TMTC2: variants seen among roughly 807,000 people sequenced by gnomAD.
TMTC2 encodes protein O-mannosyl-transferase TMTC2.
A neutral mutation model predicts 82.4 loss-of-function variants in TMTC2; 43 were observed. That is an observed-to-expected ratio of 0.52 (90% CI 0.41 to 0.67). The LOEUF (loss-of-function observed/expected upper bound fraction) is 0.67, where lower values mean the gene tolerates loss of function less well. TMTC2 is among the 30% of genes least tolerant of loss of function. The pLI, the probability that TMTC2 is intolerant of heterozygous loss-of-function variation, is 0.00. For missense variants in TMTC2, 919 were observed against 1,012.4 expected (o/e 0.91, Z 1.25); for synonymous variants, 408 against 381.9 (o/e 1.07, Z -0.80).
At chr12:82,968,509 C>A (rs1878317975) in intron 7 of TMTC2, among the ~76,000 whole-genome samples, 1 of 151,992 alleles carries the variant, frequency 6.6e-6, no homozygotes, top group South Asian at 2.1e-4. Flanking sequence ...TTATTTTATT[C>A]TTAATTCTAG....
At chr12:82,955,836 A>G (rs961733902) in intron 4 of TMTC2, among the ~76,000 whole-genome samples, 2 of 152,172 alleles carry the variant, frequency 1.3e-5, no homozygotes, top group Non-Finnish European at 1.5e-5. Context: ...GAAGTAAAAT[A>G]TTATTTTAAA....
At position 82,820,063 on chromosome 12, in the gene TMTC2, C is replaced by G. The variant is rs183554849; in HGVS notation, c.84-36947C>G. Among the ~76,000 whole-genome samples, 162 of 152,178 alleles carry G rather than the reference C, an allele frequency of 1.1e-3. 1 individual carries two copies. Among genetic ancestry groups the G allele is most frequent in the Admixed American group, 8.5e-3 (130 of 15,280 alleles). On this transcript the variant is annotated intron_variant, in intron 1 of 11. Coordinates refer to ENST00000321196, the MANE Select transcript of TMTC2 (RefSeq NM_152588.3). ...TCCCAAAGCTGAAGAACTTGGAGTC[C>G]GATGTTCTACGGCAGGAAGCATCCA... is the stretch of plus-strand genomic sequence containing the variant.
At chr12:82,859,886 C>A (rs1871448526) in intron 2 of TMTC2, among the ~76,000 whole-genome samples, 1 of 152,202 alleles carries the variant, frequency 6.6e-6, no homozygotes, top group Admixed American at 6.5e-5. Flanking sequence ...ATTTGCTATT[C>A]TATCGTAGCT....
At chr12:82,778,565 A>C (rs1325479049) in intron 1 of TMTC2, among the ~76,000 whole-genome samples, 1 of 151,586 alleles carries the variant, frequency 6.6e-6, no homozygotes, top group Non-Finnish European at 1.5e-5. Flanking sequence ...AATGCAAAAA[A>C]TCGGCCGGGC....
intron 4 of TMTC2, among the ~76,000 whole-genome samples, chr12:82,933,851 T>C (rs1171772720): frequency 6.6e-6 from 1 of 152,014 alleles, no homozygotes; most frequent in Non-Finnish European, 1.5e-5. Flanking sequence ...ATAGTATGAG[T>C]GATGTAGATT....
intron 10 of TMTC2, among the ~76,000 whole-genome samples, chr12:83,058,195 C>G (rs1882613094): frequency 6.6e-6 from 1 of 151,676 alleles, no homozygotes; most frequent in Non-Finnish European, 1.5e-5. Flanking sequence ...GTCCCATGTA[C>G]AAAAATGGAA....
intron 7 of TMTC2, among the ~76,000 whole-genome samples, chr12:82,977,092 C>T (rs948193497): frequency 3.3e-5 from 5 of 151,772 alleles, no homozygotes; most frequent in Admixed American, 2.0e-4. Flanking sequence ...AGCTAGGTTC[C>T]GTAAGTACAT....
At chr12:83,099,062 T>C in intron 11 of TMTC2, among the ~76,000 whole-genome samples, 1 of 152,222 alleles carries the variant, frequency 6.6e-6, no homozygotes, top group East Asian at 1.9e-4. Context: ...TCCATTTCTA[T>C]TGCTGGGAAA....
chr12:82,880,882 A>T (rs900080026), intron 2 of TMTC2, among the ~76,000 whole-genome samples: 1 of 152,176 alleles, frequency 6.6e-6, no homozygotes, highest in Non-Finnish European at 1.5e-5. Flanking sequence ...AGTTTATTTA[A>T]TTTTAAATAA....
At chr12:82,909,907 C>G (rs1484364772) in intron 3 of TMTC2, among the ~76,000 whole-genome samples, 1 of 152,092 alleles carries the variant, frequency 6.6e-6, no homozygotes, top group Admixed American at 6.6e-5. Flanking sequence ...ATATTTAATT[C>G]TCTTTCAGCA....
At chr12:82,948,374 A>AGC (rs778722670) in intron 4 of TMTC2, among the ~76,000 whole-genome samples, 409 of 32,834 alleles carry the variant, frequency 0.012, 1 homozygote, top group Admixed American at 0.022. Context: ...TAATTTAAAC[A>AGC]AAAAAAAAAA....
chr12:82,842,722 C>A (rs1377829883), intron 1 of TMTC2, among the ~76,000 whole-genome samples: 1 of 152,178 alleles, frequency 6.6e-6, no homozygotes, highest in Non-Finnish European at 1.5e-5. Flanking sequence ...GGTTTGGTTT[C>A]TCCTGTGGCC....
chr12:83,063,562 G>C (rs1371194887), intron 11 of TMTC2, among the ~76,000 whole-genome samples: 1 of 151,834 alleles, frequency 6.6e-6, no homozygotes, highest in Non-Finnish European at 1.5e-5. Flanking sequence ...CTGTGGAAGG[G>C]CTGAGAAGTT....
At position 83,134,820 on chromosome 12, in the gene TMTC2, C is replaced by T. The variant is rs887921830; in HGVS notation, c.*2431C>T. ...TTTGTAGAAATAATTGTTTTATGTG[C>T]CAGAGAATTTCAATTTTGTTTTCAA... On this transcript the variant is annotated 3_prime_UTR_variant, in exon 12 of 12. Transcript: ENST00000321196. The T allele has an allele frequency of 1.3e-5, 2 of 151,898 alleles. No homozygotes were observed. The highest frequency in any genetic ancestry group is 2.4e-5 in the African/African-American group (1 of 41,318). The allele number at this position is 151,898 out of a possible 1,614,324, so 9.4% of individuals were successfully genotyped here.
chr12:83,030,709 G>T, intron 8 of TMTC2, 89 bp from the exon 9 acceptor site: 1 of 998,224 alleles, frequency 1.0e-6, no homozygotes, highest in Non-Finnish European at 1.5e-6. Context: ...TGATTACCAA[G>T]TAGACATTTG....
chr12:82,831,416 G>A (rs965269500), intron 1 of TMTC2, among the ~76,000 whole-genome samples: 1 of 152,166 alleles, frequency 6.6e-6, no homozygotes, highest in Admixed American at 6.5e-5. Flanking sequence ...TTGCAAAAGA[G>A]TACATTATGT....
chr12:82,767,882 C>T (rs1877063259), intron 1 of TMTC2, among the ~76,000 whole-genome samples: 1 of 152,200 alleles, frequency 6.6e-6, no homozygotes, highest in Non-Finnish European at 1.5e-5. Context: ...AGGTGATCCT[C>T]CCCTGCTCCT....
chr12:83,031,515 G>A (rs1881430167), intron 9 of TMTC2, among the ~76,000 whole-genome samples: 1 of 152,274 alleles, frequency 6.6e-6, no homozygotes, highest in East Asian at 1.9e-4. Context: ...GTTTGATATT[G>A]TGTAAGATGT....
Position 83,012,952 on chromosome 12 carries a change from AG to A in TMTC2, c.2071-17844del, listed in dbSNP as rs372159156. ...AGAATCGGCTTTACATAAATGTGAC[AG>A]GATGGAGATTAATGTGAAATATTTT... is the stretch of plus-strand genomic sequence containing the variant. On this transcript the variant is annotated intron_variant, in intron 8 of 11. Transcript: ENST00000321196. Among the ~76,000 whole-genome samples, 654 of 152,294 alleles carry A rather than the reference AG, an allele frequency of 4.3e-3. 9 individuals carry two copies. Among genetic ancestry groups the A allele is most frequent in the African/African-American group, 0.015 (627 of 41,590 alleles).
Sources: gnomAD v4.1 joint callset for allele counts (sites outside exome capture counted in the v4.1 genomes callset) on GRCh38, gnomAD v4.1.1 for gene constraint, MANE v1.5 for transcripts, NCBI Gene and HGNC (gene_info 2026-07-23, HGNC 2026-07-21) for gene names.